STXBP5L: variants seen among roughly 807,000 people sequenced by gnomAD.
The protein encoded by STXBP5L is syntaxin binding protein 5L.
A neutral mutation model predicts 144.5 loss-of-function variants in STXBP5L; 65 were observed. The ratio of observed to expected loss-of-function variants is 0.45; its 90% CI spans 0.37 to 0.55. The LOEUF (loss-of-function observed/expected upper bound fraction) is 0.55. Among genes scored for constraint, STXBP5L ranks in the 20% least tolerant of loss-of-function variants. The pLI is 0.00. For missense variants in STXBP5L, 1,298 were observed against 1,405.5 expected, an observed-to-expected ratio of 0.92 and a Z score of 1.22; for synonymous variants, 505 against 469.6, an observed-to-expected ratio of 1.08 and a Z score of -0.97.
At position 121,329,510 on chromosome 3, in the gene STXBP5L, A is replaced by AT. The variant is rs544534968; in HGVS notation, c.2176+10977dup. On this transcript the variant is annotated intron_variant, in intron 20 of 26. Coordinates refer to ENST00000471454, the MANE Select transcript of STXBP5L (RefSeq NM_001308330.2). Reference sequence around the variant, plus strand: ...GCAATTATAGCAATCCCAAATTAGAATTTTTTTATACTTTTGGAGGTTCTA... The same window carrying AT: ...GCAATTATAGCAATCCCAAATTAGAATTTTTTTTATACTTTTGGAGGTTCTA... 4.6e-3 allele frequency among the ~76,000 whole-genome samples: 700 copies of AT among 152,298 alleles called. 6 individuals are homozygous for AT. The highest frequency in any genetic ancestry group is 0.016 in the African/African-American group (662 of 41,552).
At chr3:121,368,781 AT>A (rs1244149933) in intron 20 of STXBP5L, among the ~76,000 whole-genome samples, 1 of 151,782 alleles carries the variant, frequency 6.6e-6, no homozygotes. Flanking sequence ...TCATTTTCTA[AT>A]TTTCCCTGTA....
intron 3 of STXBP5L, among the ~76,000 whole-genome samples, chr3:120,978,022 C>CT (rs993075048): frequency 4.6e-5 from 7 of 152,110 alleles, no homozygotes; most frequent in African/African-American, 1.7e-4. Flanking sequence ...AATTATGTGT[C>CT]TTGGAGTTGC....
intron 15 of STXBP5L, among the ~76,000 whole-genome samples, chr3:121,251,193 T>G (rs2050015897): frequency 6.6e-6 from 1 of 152,190 alleles, no homozygotes; most frequent in Non-Finnish European, 1.5e-5. Flanking sequence ...CTATAAGAAC[T>G]CTTTTTAAAT....
intron 2 of STXBP5L, among the ~76,000 whole-genome samples, chr3:120,947,415 A>T (rs893725826): frequency 6.6e-5 from 10 of 151,878 alleles, no homozygotes; most frequent in Admixed American, 2.0e-4. Flanking sequence ...TTGTCTCATA[A>T]TACGATTTGG....
intron 9 of STXBP5L, among the ~76,000 whole-genome samples, chr3:121,193,520 C>CATGTATGTTT (rs1418807360): frequency 6.6e-6 from 1 of 152,086 alleles, no homozygotes; most frequent in East Asian, 1.9e-4. Flanking sequence ...GAAACATGTA[C>CATGTATGTTT]ATGTATGTTT....
intron 3 of STXBP5L, among the ~76,000 whole-genome samples, chr3:121,025,111 C>T (rs896279220): frequency 6.6e-6 from 1 of 152,076 alleles, no homozygotes; most frequent in South Asian, 2.1e-4. Flanking sequence ...TAGGTAACCA[C>T]CCAACTCAAT....
chr3:121,002,941 G>A (rs528395552), intron 3 of STXBP5L, among the ~76,000 whole-genome samples: 1 of 152,022 alleles, frequency 6.6e-6, no homozygotes, highest in Non-Finnish European at 1.5e-5. Context: ...ACATTTTCTT[G>A]ATCCAGTCTA....
intron 5 of STXBP5L, among the ~76,000 whole-genome samples, chr3:121,098,825 G>A (rs559957757): frequency 6.2e-4 from 94 of 152,272 alleles, no homozygotes; most frequent in Middle Eastern, 3.4e-3. Flanking sequence ...TCTGTAGGGA[G>A]CATCCACTTT....
At chr3:121,120,799 T>C (rs1386691973) in intron 6 of STXBP5L, among the ~76,000 whole-genome samples, 1 of 151,316 alleles carries the variant, frequency 6.6e-6, no homozygotes, top group Admixed American at 6.6e-5. Flanking sequence ...AAACTGAAAC[T>C]GTGTTAATAT....
At chr3:120,965,123 A>G (rs1939398759) in intron 3 of STXBP5L, among the ~76,000 whole-genome samples, 1 of 151,470 alleles carries the variant, frequency 6.6e-6, no homozygotes, top group Non-Finnish European at 1.5e-5. Context: ...TTTGTTTTCC[A>G]TTTGCTTGGT....
intron 18 of STXBP5L, among the ~76,000 whole-genome samples, chr3:121,273,962 T>C (rs1478200547): frequency 6.6e-6 from 1 of 152,188 alleles, no homozygotes; most frequent in Non-Finnish European, 1.5e-5. Flanking sequence ...AGTTGTCTGT[T>C]TACTCTTGTG....
chr3:121,212,176 C>G (rs1379974843), intron 10 of STXBP5L, among the ~76,000 whole-genome samples: 6 of 152,116 alleles, frequency 3.9e-5, no homozygotes, highest in African/African-American at 2.4e-5. Context: ...CCTGTTCACT[C>G]TCATGATAGT....
At chr3:121,047,879 T>G (rs75160187) in intron 5 of STXBP5L, among the ~76,000 whole-genome samples, 2,943 of 152,270 alleles carry the variant, frequency 0.019, 90 homozygotes, top group African/African-American at 0.066. Flanking sequence ...GTGGATTTGA[T>G]CCTTTCATCA....
chr3:121,089,815 C>T (rs1031669200), intron 5 of STXBP5L, among the ~76,000 whole-genome samples: 4 of 151,956 alleles, frequency 2.6e-5, no homozygotes, highest in African/African-American at 7.2e-5. Context: ...TTATTACATC[C>T]TCTAGGCCAC....
intron 5 of STXBP5L, among the ~76,000 whole-genome samples, chr3:121,097,254 G>T (rs373130148): frequency 3.9e-5 from 6 of 152,302 alleles, no homozygotes; most frequent in African/African-American, 1.4e-4. Flanking sequence ...GCCAGTGGGG[G>T]TGGGACCCAC....
intron 23 of STXBP5L, 135 bp from the exon 24 acceptor site, chr3:121,413,023 G>T: frequency 1.3e-6 from 1 of 745,128 alleles, no homozygotes. Flanking sequence ...GCAAGACTCT[G>T]TCTCAAAAAA....
At chr3:121,146,691 A>G (rs951440137) in intron 7 of STXBP5L, among the ~76,000 whole-genome samples, 1 of 152,134 alleles carries the variant, frequency 6.6e-6, no homozygotes, top group Admixed American at 6.6e-5. Flanking sequence ...TTGTGTAACT[A>G]TACTAATATC....
At chr3:121,187,933 CAG>C (rs1301196380) in intron 9 of STXBP5L, among the ~76,000 whole-genome samples, 5 of 151,604 alleles carry the variant, frequency 3.3e-5, no homozygotes, top group South Asian at 4.2e-4. Context: ...AACAAAGAGA[CAG>C]AGAAGGGCAT....
At chr3:121,081,080 T>G (rs914988879) in intron 5 of STXBP5L, among the ~76,000 whole-genome samples, 1 of 152,024 alleles carries the variant, frequency 6.6e-6, no homozygotes, top group Admixed American at 6.6e-5. Context: ...ATTTTCTGAT[T>G]GGGTTAATTT....
Sources: gnomAD v4.1 joint callset for allele counts (sites outside exome capture counted in the v4.1 genomes callset) on GRCh38, gnomAD v4.1.1 for gene constraint, MANE v1.5 for transcripts, NCBI Gene and HGNC (gene_info 2026-07-23, HGNC 2026-07-21) for gene names.